FLT4: variants seen among roughly 807,000 people sequenced by gnomAD.
FLT4 encodes the protein vascular endothelial growth factor receptor 3.
FLT4 carries 30 observed loss-of-function variants against 163.2 expected under a neutral mutation model. The observed-to-expected ratio is 0.18, with a 90% CI of 0.14 to 0.25. The LOEUF is 0.25. FLT4 is among the 10% of genes least tolerant of loss of function. The pLI, the probability that FLT4 is intolerant of heterozygous loss-of-function variation, is 1.00. For synonymous variants in FLT4, 884 were observed against 789.5 expected (o/e 1.12, Z -2.01); for missense variants, 1,510 against 1,863.8 (o/e 0.81, Z 3.50).
chr5:180,642,766 C>T (rs141740002), intron 1 of FLT4, among the ~76,000 whole-genome samples: 151 of 152,308 alleles, frequency 9.9e-4, no homozygotes, highest in African/African-American at 3.4e-3. Context: ...GAATTCCCAG[C>T]GCTGGAGAGA....
rs749558010 is a variant in FLT4 at position 180,630,179 on chromosome 5, G to A, written c.513+46C>T. On this transcript the variant is annotated intron_variant, in intron 4 of 29. Coordinates refer to ENST00000261937, the MANE Select transcript of FLT4 (RefSeq NM_182925.5). This position sits in a 1 kb window ranked among gnomAD's most constrained non-coding sequence, Gnocchi z 6.3. ...CCAGACAGGCGGCCGCCTTTCCCAG[G>A]GGTGGGATGGGAGGGTCGGATGCTG... 6.2e-7 allele frequency: 1 copy of A among 1,608,866 alleles called. No individual in the cohort carries two copies.
At chr5:180,621,076 C>T (rs1763105933) in intron 14 of FLT4, 30 bp downstream of exon 14, 1 of 1,612,686 alleles carries the variant, frequency 6.2e-7, no homozygotes, top group East Asian at 2.2e-5. Flanking sequence ...GGCCTCCGGA[C>T]CTGCCCTTCG....
In FLT4 at chr5:180,620,832, C is replaced by A. The variant is rs1298029918; in HGVS notation, c.2299+44G>T. On this transcript the variant is annotated intron_variant, in intron 15 of 29. Transcript: ENST00000261937. The surrounding 1 kb of genome is among the most constrained non-coding windows in gnomAD (Gnocchi z 4.4). ...CAAGGTGGCCACAAGAAAGCGTTAA[C>A]TGGGGACGGGAAGGGAGTTGAGGGG... 1 of 1,609,798 alleles carries A rather than the reference C, an allele frequency of 6.2e-7. No homozygotes were observed. The highest frequency in any genetic ancestry group is 8.5e-7 in the Non-Finnish European group (1 of 1,178,828).
rs1561718535 is a variant in FLT4, at chr5:180,621,380, C to T, written c.2021-128G>A. 3.6e-6 allele frequency: 5 copies of T among 1,398,714 alleles called. No homozygotes were observed. The South Asian group carries it at 5.5e-5, about 15-fold the overall frequency. 86.6% of individuals were successfully genotyped at this position (1,398,714 alleles called of 1,614,324 possible). On this transcript the variant is annotated intron_variant, in intron 13 of 29. Transcript: ENST00000261937. ...TTAGGGGTTGTGCGCCGGGCAGGAG[C>T]GCGGCGCGCCTCCGCAGGGGGCGGC...
In FLT4 at chr5:180,636,622, C is replaced by A. The variant is rs565367793; in HGVS notation, c.59-4844G>T. On this transcript the variant is annotated intron_variant, in intron 1 of 29. Coordinates refer to ENST00000261937, the MANE Select transcript of FLT4 (RefSeq NM_182925.5). This position sits in a 1 kb window ranked among gnomAD's most constrained non-coding sequence, Gnocchi z 4.3. The stretch of plus-strand genomic sequence containing the variant: ...CAGGGCTGACTCACCAGCACCCTGG[C>A]CTCTGAGATCCCCCCTGCACGGCCC... Among the ~76,000 whole-genome samples the A allele has an allele frequency of 3.3e-5, 5 of 151,840 alleles. No homozygotes were observed. Among genetic ancestry groups the A allele is most frequent in the Non-Finnish European group, 5.9e-5 (4 of 67,952 alleles).
At position 180,603,000 on chromosome 5, in the gene FLT4, C is replaced by T. The variant is rs891843224; in HGVS notation, c.*192G>A. ...CAGCTGGAGCGTGGCCCTGGCCAGT[C>T]GTGGTGACGGAATTCCGGGAGCCTT... On this transcript the variant is annotated 3_prime_UTR_variant, in exon 30 of 30. Transcript: ENST00000261937. 14 of 633,498 alleles carry T rather than the reference C, an allele frequency of 2.2e-5. No individual in the cohort carries two copies. Among genetic ancestry groups the T allele is most frequent in the East Asian group, 5.5e-5 (2 of 36,548 alleles). The allele number at this position is 633,498 out of a possible 1,614,324, so 39.2% of individuals were successfully genotyped here.
intron 24 of FLT4, 163 bp downstream of exon 24, chr5:180,613,904 TG>T: frequency 1.4e-6 from 1 of 693,748 alleles, no homozygotes; most frequent in Non-Finnish European, 2.6e-6. Flanking sequence ...TGGGCCAGGC[TG>T]GGGAGAGGTG....
At chr5:180,613,554 G>A (rs1432128729) in intron 24 of FLT4, 4 of 239,086 alleles carry the variant, frequency 1.7e-5, no homozygotes, top group African/African-American at 2.3e-5. Flanking sequence ...CTGGACTGCT[G>A]AACTCCCTCC....
At chr5:180,638,347 C>T (rs1273645152) in intron 1 of FLT4, among the ~76,000 whole-genome samples, 1 of 152,210 alleles carries the variant, frequency 6.6e-6, no homozygotes. Flanking sequence ...TCCCCAGATC[C>T]TCTCCCAGCC....
intron 10 of FLT4, among the ~76,000 whole-genome samples, chr5:180,625,454 C>T (rs1448161347): frequency 1.3e-5 from 2 of 152,198 alleles, no homozygotes; most frequent in East Asian, 1.9e-4. Flanking sequence ...CATGGTGTGC[C>T]GTGGGGCTCA....
At chr5:180,629,608 C>G (rs1213705785) in intron 6 of FLT4, 88 bp downstream of exon 6, 1 of 1,523,508 alleles carries the variant, frequency 6.6e-7, no homozygotes, top group African/African-American at 1.4e-5. Context: ...CCTGGGCCCA[C>G]ACATCCTCCA....
intron 29 of FLT4, 83 bp downstream of exon 29, chr5:180,608,885 G>T: frequency 8.4e-7 from 1 of 1,195,978 alleles, no homozygotes; most frequent in Non-Finnish European, 1.3e-6. Context: ...GAAGAGGGCT[G>T]GGCACACCCA....
chr5:180,615,093 G>A (rs1305777273), intron 23 of FLT4, among the ~76,000 whole-genome samples: 2 of 152,160 alleles, frequency 1.3e-5, no homozygotes, highest in African/African-American at 4.8e-5. Context: ...ACGGAGCAAG[G>A]CGCGGGGCAA....
chr5:180,621,924 C>A lies in FLT4; in HGVS notation c.1658-20G>T, dbSNP rs749281526. ...GGATGGCTGTGGAGGGAGGAAGAAG[C>A]CCTGTGGCACTGCCCTGGGAGTTTG... On this transcript the variant is annotated intron_variant, in intron 12 of 29. Transcript: ENST00000261937. 4 of 1,612,680 alleles carry A rather than the reference C, an allele frequency of 2.5e-6. No individual in the cohort carries two copies. The highest frequency in any genetic ancestry group is 3.4e-6 in the Non-Finnish European group (4 of 1,179,906).
rs768195465 is a variant in FLT4 at position 180,622,754 on chromosome 5, C to T, written c.1634G>A (p.Arg545Gln). The change falls in exon 12 of 30, where the codon CGG (arginine) becomes CAG (glutamine). Residue 545 changes from arginine (R) to glutamine (Q), a missense_variant. Physicochemically the swap from Arg to Gln is conservative, Grantham distance 43 (BLOSUM62 1). Coordinates refer to ENST00000261937, the MANE Select transcript of FLT4 (RefSeq NM_182925.5). ...VVSNKVGQDE[R>Q]LIYFYVTTIP... ...ACTGGTCACATAGAAGTAGATGAGC[C>T]GCTCATCCTGGCCCACCTTGTTGGA... 14 of 1,611,872 alleles carry T rather than the reference C, an allele frequency of 8.7e-6. No individual in the cohort carries two copies. The highest frequency in any genetic ancestry group is 1.2e-5 in the Non-Finnish European group (14 of 1,178,422).
chr5:180,639,379 G>GTGGA (rs545022264), intron 1 of FLT4, among the ~76,000 whole-genome samples: 35,479 of 142,200 alleles, frequency 0.25, 4,858 homozygotes, highest in Middle Eastern at 0.34. Context: ...GAGTGGATGG[G>GTGGA]TGGATGGATG....
Position 180,630,174 on chromosome 5 carries a change from C to T in FLT4, c.513+51G>A. ...CCTGGCCAGACAGGCGGCCGCCTTTCCCAGGGGTGGGATGGGAGGGTCGGA... is the reference window on the plus strand; with the variant it reads ...CCTGGCCAGACAGGCGGCCGCCTTTTCCAGGGGTGGGATGGGAGGGTCGGA... On this transcript the variant is annotated intron_variant, in intron 4 of 29. Transcript: ENST00000261937. The surrounding 1 kb of genome is among the most constrained non-coding windows in gnomAD (Gnocchi z 6.3). 3 of 1,610,678 alleles carry T rather than the reference C, an allele frequency of 1.9e-6. No individual in the cohort carries two copies. Among genetic ancestry groups the T allele is most frequent in the Non-Finnish European group, 2.5e-6 (3 of 1,178,642 alleles).
chr5:180,610,065 A>C, intron 27 of FLT4, 40 bp from the exon 28 acceptor site: 1 of 1,613,256 alleles, frequency 6.2e-7, no homozygotes, highest in Non-Finnish European at 8.5e-7. Context: ...AACGCGCTGC[A>C]GCAACCCTCC....
At chr5:180,607,230 T>C (rs190964926) in intron 29 of FLT4, among the ~76,000 whole-genome samples, 157 of 152,388 alleles carry the variant, frequency 1.0e-3, no homozygotes, top group African/African-American at 3.7e-3. Flanking sequence ...GTTCACTTTC[T>C]ATCTGGGATA....
Sources: allele counts gnomAD v4.1 joint callset (sites outside exome capture counted in the v4.1 genomes callset), GRCh38; gene constraint gnomAD v4.1.1; non-coding constraint Gnocchi (gnomAD v3.1); transcripts MANE v1.5; gene names NCBI Gene and HGNC (gene_info 2026-07-23, HGNC 2026-07-21).